Variants in RPL27 observed in about 807,000 individuals in gnomAD.
RPL27 encodes the protein large ribosomal subunit protein eL27.
For synonymous variants in RPL27, 77 were observed against 61.0 expected, an observed-to-expected ratio of 1.26 and a Z score of -1.22; for missense variants, 131 against 174.3, an observed-to-expected ratio of 0.75 and a Z score of 1.40.
chr17:42,998,646 T>A, intron 1 of RPL27, 103 bp from the exon 2 acceptor site: 1 of 872,866 alleles, frequency 1.1e-6, no homozygotes. Flanking sequence ...GTGAACACAG[T>A]CTGAAGTTCC....
chr17:43,000,790 C>T (rs1441847423), intron 3 of RPL27, among the ~76,000 whole-genome samples: 1 of 150,988 alleles, frequency 6.6e-6, no homozygotes, highest in Non-Finnish European at 1.5e-5. Context: ...CACAATGGCT[C>T]ACGCCTGTAA....
Position 42,999,978 on chromosome 17 carries a change from G to T in RPL27, c.127G>T (p.Val43Leu). 6.2e-7 allele frequency: 1 copy of T among 1,612,096 alleles called. No individual in the cohort carries two copies. Among genetic ancestry groups the T allele is most frequent in the Non-Finnish European group, 8.5e-7 (1 of 1,179,840 alleles). Residue 43 changes from valine to leucine, a missense_variant, in exon 3 of 5, where the codon GTG (valine) becomes TTG (leucine). Physicochemically the swap from Val to Leu is conservative, Grantham distance 32. Coordinates refer to ENST00000253788, the MANE Select transcript of RPL27 (RefSeq NM_000988.5). The part of the protein sequence containing the change: ...TSDRPYSHAL[V>L]AGIDRYPRKV... ...AGATCGCCCCTACAGCCATGCTCTG[G>T]TGGCTGGAATTGACCGCTACCCCCG...
In RPL27 at chr17:42,999,921, T is replaced by G. The variant is rs1411363153; in HGVS notation, c.82-12T>G. ...CCTCAGTGAATAACAAATGTAATTC[T>G]TACTCATTTAGAACATTGATGATGG... On this transcript the variant is annotated splice_polypyrimidine_tract_variant and intron_variant, in intron 2 of 4. Coordinates refer to ENST00000253788, the MANE Select transcript of RPL27 (RefSeq NM_000988.5). 1 of 1,607,362 alleles carries G rather than the reference T, an allele frequency of 6.2e-7. No homozygotes were observed. Among genetic ancestry groups the G allele is most frequent in the Non-Finnish European group, 8.5e-7 (1 of 1,175,940 alleles).
intron 2 of RPL27, chr17:42,999,046 G>A: frequency 1.8e-6 from 1 of 541,472 alleles, no homozygotes; most frequent in Non-Finnish European, 3.3e-6. Context: ...CTCCACCAGA[G>A]GCTTTAAATA....
chr17:43,000,634 C>T (rs1168670777), intron 3 of RPL27, among the ~76,000 whole-genome samples: 4 of 148,828 alleles, frequency 2.7e-5, no homozygotes, highest in Admixed American at 6.7e-5. Context: ...TTAGTAGAGA[C>T]GGGGTTTCAC....
Position 42,998,441 on chromosome 17 carries a change from T to G in RPL27, c.-33T>G. 2 of 144,190 alleles carry G rather than the reference T, an allele frequency of 1.4e-5. No homozygotes were observed. The highest frequency in any genetic ancestry group is 4.3e-5 in the South Asian group (1 of 23,032). The allele number at this position is 144,190 out of a possible 1,614,324, so 8.9% of individuals were successfully genotyped here. On this transcript the variant is annotated 5_prime_UTR_variant, in exon 1 of 5. Transcript: ENST00000253788. ...GTTAGCGGAAGTGTCCTTCTTTCCT[T>G]TTTGCTGGTAGGGCCGGGTGGTTGC...
upstream of RPL27, chr17:42,998,305 T>G (rs1431237185): frequency 1.3e-5 from 2 of 155,930 alleles, no homozygotes; most frequent in African/African-American, 4.8e-5. Context: ...GCCCTGCGTT[T>G]CCCTCATGAG....
At chr17:42,998,518 G>A in intron 1 of RPL27, 47 bp downstream of exon 1, 1 of 436,874 alleles carries the variant, frequency 2.3e-6, no homozygotes, top group South Asian at 2.6e-5. Flanking sequence ...GCCATCCGCG[G>A]CTTGGGGGTC....
At chr17:43,001,301 T>C (rs541775324) in intron 3 of RPL27, among the ~76,000 whole-genome samples, 23 of 150,056 alleles carry the variant, frequency 1.5e-4, no homozygotes, top group African/African-American at 5.2e-4. Context: ...CTGCTGGTAT[T>C]GCACATTTAC....
chr17:42,999,630 CA>C (rs2050338053), intron 2 of RPL27: 1 of 291,972 alleles, frequency 3.4e-6, no homozygotes, highest in Non-Finnish European at 6.5e-6. Context: ...AGCAGTGGAG[CA>C]AGTGAATAGA....
In RPL27 at chr17:42,999,057, T is replaced by C. The variant is rs543021835; in HGVS notation, c.81+226T>C. ...CCTTCTCCACCAGAGGCTTTAAATA[T>C]ATAGTAATAGTGGCTGACATTGCAC... On this transcript the variant is annotated intron_variant, in intron 2 of 4. Transcript: ENST00000253788. 77 of 524,038 alleles carry C rather than the reference T, an allele frequency of 1.5e-4. No homozygotes were observed. In the Admixed American group the frequency reaches 2.6e-3, roughly 18 times the overall value. 32.5% of individuals were successfully genotyped at this position (524,038 alleles called of 1,614,324 possible).
intron 2 of RPL27, chr17:42,999,109 C>G: frequency 2.4e-6 from 1 of 413,374 alleles, no homozygotes; most frequent in South Asian, 2.6e-5. Flanking sequence ...CACTGCCTTT[C>G]AGGTATTGTC....
chr17:43,000,153 A>G, intron 3 of RPL27, 51 bp downstream of exon 3: 2 of 1,394,820 alleles, frequency 1.4e-6, no homozygotes, highest in South Asian at 2.4e-5. Context: ...GCTCTGTTGA[A>G]TAATGAGACA....
At chr17:43,001,927 T>TAA (rs1555570326) in intron 3 of RPL27, among the ~76,000 whole-genome samples, 11 of 148,874 alleles carry the variant, frequency 7.4e-5, no homozygotes, top group Middle Eastern at 3.7e-3. Flanking sequence ...CCGTCTCTAC[T>TAA]GAAAGTACAA....
At chr17:43,000,165 ACCTT>A in intron 3 of RPL27, 63 bp downstream of exon 3, 1 of 1,280,634 alleles carries the variant, frequency 7.8e-7, no homozygotes, top group Non-Finnish European at 1.1e-6. Context: ...AATGAGACAG[ACCTT>A]GCAGCCATTC....
chr17:42,998,968 T>A (rs2050330027), intron 2 of RPL27, 137 bp downstream of exon 2: 2 of 642,396 alleles, frequency 3.1e-6, no homozygotes, highest in Admixed American at 2.7e-5. Context: ...TGGGAGAGTT[T>A]TTGAGAGAGG....
intron 3 of RPL27, among the ~76,000 whole-genome samples, chr17:43,002,175 T>C (rs934945772): frequency 6.6e-6 from 1 of 151,738 alleles, no homozygotes; most frequent in Non-Finnish European, 1.5e-5. Flanking sequence ...AACATTGAAT[T>C]TTACATTTTA....
At chr17:43,001,224 G>A (rs181147492) in intron 3 of RPL27, among the ~76,000 whole-genome samples, 1 of 152,138 alleles carries the variant, frequency 6.6e-6, no homozygotes, top group Admixed American at 6.5e-5. Context: ...CAGCAAAAGA[G>A]GTGCGAGAAT....
intron 2 of RPL27, 143 bp from the exon 3 acceptor site, chr17:42,999,790 C>T (rs1659505766): frequency 3.2e-6 from 2 of 634,000 alleles, no homozygotes; most frequent in East Asian, 2.7e-5. Flanking sequence ...GGTCATTTCT[C>T]ATAGCTTTCT....
Sources: gnomAD v4.1 joint callset for allele counts (sites outside exome capture counted in the v4.1 genomes callset) on GRCh38, gnomAD v4.1.1 for gene constraint, MANE v1.5 for transcripts, NCBI Gene and HGNC (gene_info 2026-07-23, HGNC 2026-07-21) for gene names.